The following TUSC3 variants were observed in gnomAD, a reference collection of about 807,000 sequenced individuals.
TUSC3 encodes the protein tumor suppressor candidate 3.
In TUSC3, 45 loss-of-function variants were observed where a neutral mutation model predicts 44.8. The ratio of observed to expected loss-of-function variants is 1.00; its 90% CI spans 0.79 to 1.29. The LOEUF (loss-of-function observed/expected upper bound fraction) is 1.29. Among genes scored for constraint, TUSC3 ranks in the 50% most tolerant of loss-of-function variants. The pLI is 0.00. For missense variants in TUSC3, 519 were observed against 437.9 expected (o/e 1.19, Z -1.65); for synonymous variants, 212 against 152.9 (o/e 1.39, Z -2.85).
At chr8:15,451,096 C>T (rs1222499071) in intron 1 of TUSC3, among the ~76,000 whole-genome samples, 1 of 152,038 alleles carries the variant, frequency 6.6e-6, no homozygotes. Flanking sequence ...GGGTCATGAC[C>T]CTGCATCCTA....
intron 1 of TUSC3, among the ~76,000 whole-genome samples, chr8:15,478,639 G>GAT (rs1046054742): frequency 5.3e-5 from 8 of 152,038 alleles, no homozygotes; most frequent in African/African-American, 1.9e-4. Flanking sequence ...AGTATTCCAT[G>GAT]ATATATATAT....
chr8:15,796,080 G>C, the TUSC3 span, among the ~76,000 whole-genome samples: 4 of 152,162 alleles, frequency 2.6e-5, no homozygotes, highest in Admixed American at 6.6e-5. Context: ...CTTCTGGCAG[G>C]AGTCCCAGGT....
the TUSC3 span, among the ~76,000 whole-genome samples, chr8:15,799,964 G>A: frequency 6.6e-6 from 1 of 152,192 alleles, no homozygotes; most frequent in Non-Finnish European, 1.5e-5. Context: ...GATGGCCCCT[G>A]CACATTCAGT....
intron 1 of TUSC3, among the ~76,000 whole-genome samples, chr8:15,477,798 G>T (rs1467876116): frequency 1.3e-5 from 2 of 152,052 alleles, no homozygotes; most frequent in Non-Finnish European, 2.9e-5. Flanking sequence ...AGCTGTCAAA[G>T]AATTCTACAT....
At chr8:15,829,039 T>G in the TUSC3 span, among the ~76,000 whole-genome samples, 22 of 152,342 alleles carry the variant, frequency 1.4e-4, no homozygotes, top group African/African-American at 5.3e-4. Context: ...CTGTTTTATC[T>G]ATTTTCTCCA....
chr8:15,450,761 T>C (rs948606642), intron 1 of TUSC3, among the ~76,000 whole-genome samples: 3 of 152,108 alleles, frequency 2.0e-5, no homozygotes, highest in Non-Finnish European at 2.9e-5. Flanking sequence ...TAATCAGAGA[T>C]CTGAATTGAA....
chr8:15,676,522 G>A (rs1454582210), intron 6 of TUSC3, among the ~76,000 whole-genome samples: 2 of 152,018 alleles, frequency 1.3e-5, no homozygotes, highest in Non-Finnish European at 2.9e-5. Flanking sequence ...TTGCTTTTGA[G>A]GTCTTATCCA....
the TUSC3 span, among the ~76,000 whole-genome samples, chr8:15,813,665 G>C: frequency 1.3e-5 from 2 of 152,082 alleles, no homozygotes; most frequent in South Asian, 4.1e-4. Context: ...AATATAATGT[G>C]GGGAAATGTA....
At chr8:15,437,101 C>A (rs999588097) in intron 1 of TUSC3, among the ~76,000 whole-genome samples, 8 of 152,080 alleles carry the variant, frequency 5.3e-5, no homozygotes, top group Admixed American at 5.2e-4. Context: ...ATTAAGATAT[C>A]TCTAAAACTG....
At chr8:15,553,954 T>TG (rs1454722759) in intron 1 of TUSC3, among the ~76,000 whole-genome samples, 2 of 151,748 alleles carry the variant, frequency 1.3e-5, no homozygotes, top group African/African-American at 4.8e-5. Context: ...CTGTTCAGAC[T>TG]GCCATAACCA....
At chr8:15,529,696 C>G (rs1801425304) in intron 2 of TUSC3, among the ~76,000 whole-genome samples, 1 of 150,100 alleles carries the variant, frequency 6.7e-6, no homozygotes, top group Non-Finnish European at 1.5e-5. Flanking sequence ...CATTGGTTTT[C>G]AAACTGTGTT....
intron 6 of TUSC3, among the ~76,000 whole-genome samples, chr8:15,714,019 G>T (rs539595909): frequency 1.3e-5 from 2 of 152,086 alleles, no homozygotes; most frequent in Non-Finnish European, 2.9e-5. Flanking sequence ...GTGAAAGTGC[G>T]CCTTGAAGGA....
At chr8:15,804,570 G>T in the TUSC3 span, among the ~76,000 whole-genome samples, 1 of 152,154 alleles carries the variant, frequency 6.6e-6, no homozygotes, top group Non-Finnish European at 1.5e-5. Context: ...ACCATTTATT[G>T]AATAGGGAGT....
At chr8:15,743,912 G>C (rs1811298908) in intron 8 of TUSC3, among the ~76,000 whole-genome samples, 1 of 150,884 alleles carries the variant, frequency 6.6e-6, no homozygotes, top group African/African-American at 2.4e-5. Flanking sequence ...AATTCCACCC[G>C]GCACAGAGAG....
At chr8:15,726,838 A>G (rs1348606010) in intron 6 of TUSC3, among the ~76,000 whole-genome samples, 3 of 152,116 alleles carry the variant, frequency 2.0e-5, no homozygotes, top group South Asian at 2.1e-4. Context: ...GAAATATTCA[A>G]TGGATTAGAC....
chr8:15,749,717 T>C (rs352785), intron 9 of TUSC3, among the ~76,000 whole-genome samples: 7,488 of 145,316 alleles, frequency 0.052, 413 homozygotes, highest in African/African-American at 0.14. Flanking sequence ...TTAAGTAATA[T>C]CCAAGAAAGA....
intron 2 of TUSC3, among the ~76,000 whole-genome samples, chr8:15,512,871 T>TATAC (rs1801159368): frequency 1.6e-5 from 1 of 62,052 alleles, no homozygotes; most frequent in South Asian, 7.9e-4. Flanking sequence ...TATATGTGTG[T>TATAC]GTATATATAT....
intron 2 of TUSC3, among the ~76,000 whole-genome samples, chr8:15,501,621 G>A (rs985171900): frequency 2.0e-5 from 3 of 152,084 alleles, no homozygotes; most frequent in South Asian, 2.1e-4. Flanking sequence ...TATGGCAATG[G>A]GCTTAACCTG....
intron 9 of TUSC3, among the ~76,000 whole-genome samples, chr8:15,754,201 T>G (rs1244464859): frequency 1.3e-5 from 2 of 152,108 alleles, no homozygotes; most frequent in African/African-American, 4.8e-5. Flanking sequence ...CTCCCGAAGG[T>G]ATTTCCTGGC....
Sources: allele counts gnomAD v4.1 joint callset (sites outside exome capture counted in the v4.1 genomes callset), GRCh38; gene constraint gnomAD v4.1.1; transcripts MANE v1.5; gene names NCBI Gene and HGNC (gene_info 2026-07-23, HGNC 2026-07-21).